Variants in SHANK2 observed in about 807,000 individuals in gnomAD.
SHANK2 encodes SH3 and multiple ankyrin repeat domains 2, also known as SH3 and multiple ankyrin repeat domains protein 2.
In SHANK2, 43 loss-of-function variants were observed where a neutral mutation model predicts 133.7. That is an observed-to-expected ratio of 0.32 (90% CI 0.25 to 0.41). The LOEUF (loss-of-function observed/expected upper bound fraction) is 0.41. Among genes scored for constraint, SHANK2 ranks in the 10% least tolerant of loss-of-function variants. The pLI is 1.00. For synonymous variants in SHANK2, 1,017 were observed against 952.8 expected (o/e 1.07, Z -1.24); for missense variants, 1,994 against 2,235.8 (o/e 0.89, Z 2.18).
intron 17 of SHANK2, among the ~76,000 whole-genome samples, chr11:70,642,645 C>T (rs73523882): frequency 0.011 from 1,709 of 152,330 alleles, 41 homozygotes; most frequent in African/African-American, 0.039. Flanking sequence ...CCCCTGACAC[C>T]TCCCGTCATC....
intron 17 of SHANK2, among the ~76,000 whole-genome samples, chr11:70,621,189 C>T (rs1012341717): frequency 1.3e-5 from 2 of 152,190 alleles, no homozygotes; most frequent in African/African-American, 4.8e-5. Context: ...CCTGCTCTGA[C>T]CTCCCAGGAA....
chr11:71,113,214 C>T (rs1416215020), intron 5 of SHANK2, 79 bp downstream of exon 5: 4 of 1,261,008 alleles, frequency 3.2e-6, no homozygotes, highest in African/African-American at 3.0e-5. Flanking sequence ...GGAAGAGGAG[C>T]GTCTAAAGAT....
intron 17 of SHANK2, among the ~76,000 whole-genome samples, chr11:70,597,692 G>T (rs1042212867): frequency 6.6e-6 from 1 of 152,150 alleles, no homozygotes; most frequent in Non-Finnish European, 1.5e-5. Flanking sequence ...GGCCAACATG[G>T]CGAAACCTCA....
intron 17 of SHANK2, among the ~76,000 whole-genome samples, chr11:70,536,877 C>G (rs1356036580): frequency 6.6e-6 from 1 of 152,178 alleles, no homozygotes; most frequent in Non-Finnish European, 1.5e-5. Context: ...CATGGCTGGT[C>G]TGAGCTCATC....
Position 70,486,156 on chromosome 11 carries a change from G to T in SHANK2, c.4137C>A (p.Gly1379=). ...TVPGRTIVAV[G]SMEEAVILPF... ...GCAAAATCACCGCCTCTTCCATGGA[G>T]CCCACCGCGACGATGGTTCTGCCGG... is the stretch of plus-strand genomic sequence containing the variant. Residue 1379 remains glycine (G), a synonymous_variant, in exon 25 of 26, where the codon GGC becomes GGA. Coordinates refer to ENST00000601538, the MANE Select transcript of SHANK2 (RefSeq NM_012309.5). The surrounding 1 kb of genome is among the most constrained non-coding windows in gnomAD (Gnocchi z 8.0). 1 of 1,613,934 alleles carries T rather than the reference G, an allele frequency of 6.2e-7. No homozygotes were observed. The highest frequency in any genetic ancestry group is 8.5e-7 in the Non-Finnish European group (1 of 1,179,940).
chr11:70,723,726 C>T (rs915011823), intron 14 of SHANK2, among the ~76,000 whole-genome samples: 2 of 152,158 alleles, frequency 1.3e-5, no homozygotes, highest in Non-Finnish European at 2.9e-5. Flanking sequence ...TGCCATATAG[C>T]CTTACTTGGT....
intron 2 of SHANK2, among the ~76,000 whole-genome samples, chr11:71,174,298 G>A (rs781960992): frequency 1.2e-4 from 19 of 152,272 alleles, no homozygotes; most frequent in Non-Finnish European, 2.5e-4. Context: ...CCAGTACTTC[G>A]AGAGGCTGAG....
chr11:70,598,595 T>A (rs982450562), intron 17 of SHANK2, among the ~76,000 whole-genome samples: 2 of 152,102 alleles, frequency 1.3e-5, no homozygotes, highest in Non-Finnish European at 2.9e-5. Context: ...TTGACTCCGG[T>A]TGGAAAAGAA....
chr11:70,581,677 C>T (rs1490101914), intron 17 of SHANK2, among the ~76,000 whole-genome samples: 1 of 152,060 alleles, frequency 6.6e-6, no homozygotes, highest in Non-Finnish European at 1.5e-5. Context: ...GGTGACCGAG[C>T]GAGACTCTGT....
rs776564282 is a variant in SHANK2 at position 70,708,708 on chromosome 11, C to T, written c.1778-9945G>A. On this transcript the variant is annotated intron_variant, in intron 14 of 25. Transcript: ENST00000601538. ...CTGCCTTGGCTGGGAGCCGCTCCTC[C>T]AAGCCCTTTGAGGGGTCCCAGATGA... Among the ~76,000 whole-genome samples, 7 of 152,356 alleles carry T rather than the reference C, an allele frequency of 4.6e-5. No individual in the cohort carries two copies. In the South Asian group the frequency reaches 1.2e-3, roughly 27 times the overall value.
At chr11:70,853,209 C>G (rs1555066122) in intron 11 of SHANK2, among the ~76,000 whole-genome samples, 1 of 152,236 alleles carries the variant, frequency 6.6e-6, no homozygotes, top group East Asian at 1.9e-4. Flanking sequence ...TCCGTGAGCT[C>G]TGGAAACAGA....
chr11:71,208,331 G>C (rs1412144420), intron 2 of SHANK2, among the ~76,000 whole-genome samples: 1 of 152,112 alleles, frequency 6.6e-6, no homozygotes, highest in African/African-American at 2.4e-5. Context: ...GTTGGGGGGA[G>C]AAGGGACACG....
At chr11:70,686,970 T>C (rs1945169428) in intron 15 of SHANK2, among the ~76,000 whole-genome samples, 1 of 152,222 alleles carries the variant, frequency 6.6e-6, no homozygotes, top group Admixed American at 6.5e-5. Flanking sequence ...AGAGCACTCC[T>C]GCCCATCTTG....
intron 17 of SHANK2, among the ~76,000 whole-genome samples, chr11:70,517,581 C>A (rs782741958): frequency 9.9e-5 from 15 of 152,174 alleles, no homozygotes; most frequent in Non-Finnish European, 2.1e-4. Context: ...AGCTTACAAG[C>A]ATGTTGCTAA....
intron 8 of SHANK2, among the ~76,000 whole-genome samples, chr11:71,079,925 G>A (rs1951275456): frequency 8.0e-6 from 1 of 125,582 alleles, no homozygotes; most frequent in Non-Finnish European, 1.7e-5. Context: ...GGAAGGGGAG[G>A]GAAGGAGAGG....
intron 10 of SHANK2, among the ~76,000 whole-genome samples, chr11:70,906,292 G>A (rs1310609758): frequency 6.6e-6 from 1 of 152,226 alleles, no homozygotes. Context: ...CATGGAGCGG[G>A]ACTGTCGCCT....
intron 2 of SHANK2, among the ~76,000 whole-genome samples, chr11:71,224,236 G>T (rs1954604017): frequency 6.6e-6 from 1 of 152,158 alleles, no homozygotes; most frequent in African/African-American, 2.4e-5. Flanking sequence ...CACAGAGGAG[G>T]CGCTCAAGAA....
At chr11:70,790,391 C>T (rs1162019854) in intron 14 of SHANK2, among the ~76,000 whole-genome samples, 1 of 152,146 alleles carries the variant, frequency 6.6e-6, no homozygotes, top group East Asian at 1.9e-4. Flanking sequence ...AGTTATGCAG[C>T]CAAGCACTAG....
chr11:70,558,172 A>T (rs2059857783), intron 17 of SHANK2, among the ~76,000 whole-genome samples: 1 of 151,928 alleles, frequency 6.6e-6, no homozygotes, highest in South Asian at 2.1e-4. Context: ...TTCTATCTGG[A>T]GGTGTGCGAG....
Sources: gnomAD v4.1 joint callset for allele counts (sites outside exome capture counted in the v4.1 genomes callset) on GRCh38, gnomAD v4.1.1 for gene constraint, Gnocchi (gnomAD v3.1) non-coding constraint, MANE v1.5 for transcripts, NCBI Gene and HGNC (gene_info 2026-07-23, HGNC 2026-07-21) for gene names.